Variants in MEIS3 observed in about 807,000 individuals in gnomAD.
MEIS3 encodes Meis homeobox 3, also known as homeobox protein Meis3.
Under a neutral mutation model 51.4 loss-of-function variants are expected in MEIS3, and 38 were observed. The observed-to-expected ratio is 0.74, with a 90% CI of 0.57 to 0.97. MEIS3 has a LOEUF of 0.97. Ranked by LOEUF, MEIS3 falls within the 50% of genes least tolerant of loss-of-function variation. The pLI, the probability that MEIS3 is intolerant of heterozygous loss-of-function variation, is 0.00. For missense variants in MEIS3, 456 were observed against 502.6 expected (o/e 0.91, Z 0.89); for synonymous variants, 198 against 201.8 (o/e 0.98, Z 0.16).
upstream of MEIS3, among the ~76,000 whole-genome samples, chr19:47,420,570 AGAGGTG>A (rs1209948495): frequency 2.6e-5 from 3 of 114,000 alleles, no homozygotes; most frequent in African/African-American, 6.6e-5. Context: ...AGAGAGAGAG[AGAGGTG>A]CAGACAGAGT....
chr19:47,409,222 G>A lies in MEIS3; in HGVS notation c.735C>T (p.Ala245=), dbSNP rs532256374. 30 of 1,612,996 alleles carry A rather than the reference G, an allele frequency of 1.9e-5. No homozygotes were observed. The South Asian group carries it at 3.1e-4, about 17-fold the overall frequency. ...DQGDGLDTSV[A]SPSSGGEDED... ...CATCTTCTCCACCAGAACTGGGAGAGGCCACGCTGGTGTCCAGCCCGTCTC... is the reference window on the plus strand; with the variant it reads ...CATCTTCTCCACCAGAACTGGGAGAAGCCACGCTGGTGTCCAGCCCGTCTC... Residue 245 remains alanine (A), a synonymous_variant, in exon 8 of 13, where the codon GCC becomes GCT. Coordinates refer to ENST00000558555, the MANE Select transcript of MEIS3 (RefSeq NM_001301059.2).
chr19:47,420,940 A>ACTCTCTCT (rs71180840), upstream of MEIS3, among the ~76,000 whole-genome samples: 79 of 90,986 alleles, frequency 8.7e-4, 1 homozygote, highest in African/African-American at 2.3e-3. Flanking sequence ...ACACACACAC[A>ACTCTCTCT]CTCTCTCTCT....
At chr19:47,408,633 T>G (rs149743981) in intron 8 of MEIS3, among the ~76,000 whole-genome samples, 2 of 152,282 alleles carry the variant, frequency 1.3e-5, no homozygotes, top group African/African-American at 4.8e-5. Flanking sequence ...CTCTCTGTTT[T>G]AGCCTCTTCC....
intron 9 of MEIS3, 90 bp downstream of exon 9, chr19:47,407,262 C>T (rs1015636350): frequency 1.3e-6 from 2 of 1,509,832 alleles, no homozygotes; most frequent in Admixed American, 2.1e-5. Flanking sequence ...GGGGCAGTGG[C>T]TCTGCGGGGC....
intron 6 of MEIS3, 119 bp downstream of exon 6, chr19:47,414,598 C>T: frequency 1.6e-6 from 2 of 1,212,576 alleles, no homozygotes; most frequent in Non-Finnish European, 2.3e-6. Context: ...CATATGCGTG[C>T]CCTGTGATCA....
In MEIS3 at chr19:47,406,882, G is replaced by A; in HGVS notation, c.1078+6C>T. On this transcript the variant is annotated splice_donor_region_variant and intron_variant, in intron 11 of 12. Transcript: ENST00000558555. ...GGCGGGGCCTAGCTAAGGGGGCGAG[G>A]CTTACCCGGAGGCCGGACGGCCACG... The A allele has an allele frequency of 6.4e-7, 1 of 1,566,112 alleles. No homozygotes were observed. The highest frequency in any genetic ancestry group is 8.6e-7 in the Non-Finnish European group (1 of 1,158,682).
At chr19:47,417,072 G>A (rs1971464647) in intron 2 of MEIS3, 106 bp downstream of exon 2, 1 of 1,533,986 alleles carries the variant, frequency 6.5e-7, no homozygotes, top group Admixed American at 2.3e-5. Context: ...AGAGAGGGAA[G>A]GAGACAGAGA....
At chr19:47,416,592 G>A (rs961108258) in intron 4 of MEIS3, 60 bp downstream of exon 4, 1 of 1,357,534 alleles carries the variant, frequency 7.4e-7, no homozygotes, top group South Asian at 1.4e-5. Flanking sequence ...CCCCAGGGAT[G>A]GGGCGTCAGG....
chr19:47,417,699 A>T, intron 1 of MEIS3: 3 of 702,062 alleles, frequency 4.3e-6, no homozygotes, highest in Non-Finnish European at 7.8e-6. Flanking sequence ...AGGGAGATCC[A>T]TGGACACCTC....
At chr19:47,420,910 T>TCACACACACACACA (rs796578167), upstream of MEIS3, among the ~76,000 whole-genome samples, 12 of 70,788 alleles carry the variant, frequency 1.7e-4, no homozygotes, top group Middle Eastern at 0.012. Flanking sequence ...TCTCTCTCTC[T>TCACACACACACACA]CACACACACA....
rs1286475981 is a variant in MEIS3, at chr19:47,416,488, A to C, written c.396+164T>G. On this transcript the variant is annotated intron_variant, in intron 4 of 12. Coordinates refer to ENST00000558555, the MANE Select transcript of MEIS3 (RefSeq NM_001301059.2). ...AACTCGGGCCATGGGTCCCGTTCTC[A>C]GACTCTAGGCTGTACCACACGGCAC... 5 of 602,954 alleles carry C rather than the reference A, an allele frequency of 8.3e-6. No homozygotes were observed. The East Asian group carries it at 1.6e-4, about 19-fold the overall frequency. 37.4% of individuals were successfully genotyped at this position (602,954 alleles called of 1,614,324 possible). A position where few individuals can be genotyped will look rare whatever the true frequency, so the allele number is the denominator to read the frequency against.
In MEIS3 at chr19:47,417,220, A is replaced by C. The variant is rs768256511; in HGVS notation, c.143T>G (p.Leu48Trp). ...HRPPQPLPPG[L>W]DSDGLKREKD... ...CTCCCTCTTCAGGCCGTCGCTGTCC[A>C]AGCCTGGGGGCAGGGGCTGGGGAGG... is the stretch of plus-strand genomic sequence containing the variant. Residue 48 changes from leucine (L) to tryptophan (W), a missense_variant, in exon 2 of 13, where the codon TTG becomes TGG. Coordinates refer to ENST00000558555, the MANE Select transcript of MEIS3 (RefSeq NM_001301059.2). 3.8e-6 allele frequency: 6 copies of C among 1,583,742 alleles called. 1 individual carries two copies. The highest frequency in any genetic ancestry group is 1.7e-4 in the Middle Eastern group (1 of 5,864).
At chr19:47,420,975 T>TCTCTCTCTCCC (rs1568434395), upstream of MEIS3, among the ~76,000 whole-genome samples, 1 of 79,116 alleles carries the variant, frequency 1.3e-5, no homozygotes, top group African/African-American at 5.5e-5. Flanking sequence ...CTCTCTCTCT[T>TCTCTCTCTCCC]CCTGGCTGTC....
intron 6 of MEIS3, among the ~76,000 whole-genome samples, chr19:47,410,930 C>T (rs973825594): frequency 6.6e-6 from 1 of 152,118 alleles, no homozygotes; most frequent in South Asian, 2.1e-4. Flanking sequence ...GGATTCCGAA[C>T]ATTTCACATT....
intron 11 of MEIS3, 42 bp downstream of exon 11, chr19:47,406,846 T>G (rs1333216522): frequency 6.6e-7 from 1 of 1,512,972 alleles, no homozygotes; most frequent in Non-Finnish European, 8.9e-7. Context: ...AGGTGGGTCA[T>G]GGTGCGCAGG....
chr19:47,416,703 C>T lies in MEIS3; in HGVS notation c.346-1G>A. 6.3e-7 allele frequency: 1 copy of T among 1,588,112 alleles called. No individual in the cohort carries two copies. Among genetic ancestry groups the T allele is most frequent in the Admixed American group, 1.8e-5 (1 of 55,294 alleles). On this transcript the variant is annotated splice_acceptor_variant, in intron 3 of 12. Coordinates refer to ENST00000558555, the MANE Select transcript of MEIS3 (RefSeq NM_001301059.2). LOFTEE classifies it high-confidence loss of function. ...AGAAGAGGGGCCTCTCAGAGCGAAC[C>T]TGGGAGGGAAGAGAGAGGCCGGCAG...
At chr19:47,416,597 G>A (rs191818242) in intron 4 of MEIS3, 55 bp downstream of exon 4, 56 of 1,386,496 alleles carry the variant, frequency 4.0e-5, no homozygotes, top group Middle Eastern at 4.6e-4. Context: ...GGGATGGGGC[G>A]TCAGGGAAGG....
chr19:47,406,119 T>G, intron 12 of MEIS3: 1 of 202,042 alleles, frequency 4.9e-6, no homozygotes, highest in Non-Finnish European at 9.9e-6. Flanking sequence ...ATGGAGTGAG[T>G]GGGTGAATGT....
chr19:47,410,985 G>A (rs1019977545), intron 6 of MEIS3, among the ~76,000 whole-genome samples: 9 of 152,120 alleles, frequency 5.9e-5, no homozygotes, highest in African/African-American at 1.7e-4. Flanking sequence ...CGCCCAGGCT[G>A]GAGTGTAGTT....
Sources: allele counts gnomAD v4.1 joint callset (sites outside exome capture counted in the v4.1 genomes callset), GRCh38; gene constraint gnomAD v4.1.1; transcripts MANE v1.5; gene names NCBI Gene and HGNC (gene_info 2026-07-23, HGNC 2026-07-21).